The following DPYSL2 variants were observed in gnomAD, a reference collection of about 807,000 sequenced individuals.
DPYSL2 encodes dihydropyrimidinase like 2, also known as dihydropyrimidinase-related protein 2.
DPYSL2 carries 13 observed loss-of-function variants against 69.9 expected under a neutral mutation model. The observed-to-expected ratio is 0.19, with a 90% confidence interval of 0.12 to 0.30. DPYSL2 has a LOEUF of 0.30. DPYSL2 is among the 10% of genes least tolerant of loss of function. The pLI is 1.00. For missense variants in DPYSL2, 587 were observed against 918.9 expected, an observed-to-expected ratio of 0.64 and a Z score of 4.67; for synonymous variants, 326 against 359.1, an observed-to-expected ratio of 0.91 and a Z score of 1.04.
At chr8:26,544,918 C>CA (rs1446253282) in intron 1 of DPYSL2, among the ~76,000 whole-genome samples, 1 of 152,144 alleles carries the variant, frequency 6.6e-6, no homozygotes, top group Non-Finnish European at 1.5e-5. Flanking sequence ...CAAGGAAGAT[C>CA]ATTTTATAGT....
rs544226391 is a variant in DPYSL2, at chr8:26,644,970, A to G, written c.1425+879A>G. On this transcript the variant is annotated intron_variant, in intron 10 of 13. Coordinates refer to ENST00000521913, the MANE Select transcript of DPYSL2 (RefSeq NM_001197293.3). The surrounding 1 kb of genome is among the most constrained non-coding windows in gnomAD (Gnocchi z 4.5). ...AGAATATATCCTTATTTCCAGAAGA[A>G]TAAGGAAGTAAATAAAAGTCACTGT... Among the ~76,000 whole-genome samples, 4 of 152,332 alleles carry G rather than the reference A, an allele frequency of 2.6e-5. No individual in the cohort carries two copies. Among genetic ancestry groups the G allele is most frequent in the Middle Eastern group, 3.4e-3 (1 of 294 alleles).
chr8:26,647,686 C>G lies in DPYSL2; in HGVS notation c.1482C>G (p.Ala494=). 2 of 1,614,140 alleles carry G rather than the reference C, an allele frequency of 1.2e-6. No homozygotes were observed. The highest frequency in any genetic ancestry group is 1.7e-6 in the Non-Finnish European group (2 of 1,180,028). The change falls in exon 11 of 14, where the codon GCC becomes GCG. Residue 494 remains alanine, a synonymous_variant. Transcript: ENST00000521913. This position sits in a 1 kb window ranked among gnomAD's most constrained non-coding sequence, Gnocchi z 5.1. Reference sequence around the variant, plus strand: ...TGGCTGTGACCAGCACCAATGCAGCCAAAGTCTTCAACCTTTACCCCCGGA... The same window carrying G: ...TGGCTGTGACCAGCACCAATGCAGCGAAAGTCTTCAACCTTTACCCCCGGA... The part of the protein sequence containing the change: ...QFVAVTSTNA[A]KVFNLYPRKG...
At chr8:26,570,126 T>C (rs927742926) in intron 1 of DPYSL2, among the ~76,000 whole-genome samples, 1 of 152,184 alleles carries the variant, frequency 6.6e-6, no homozygotes, top group Non-Finnish European at 1.5e-5. Flanking sequence ...CAGCCTGGCT[T>C]GGTGTCTGAA....
rs1316601316 is a variant in DPYSL2, at chr8:26,619,309, A to G, written c.629-4834A>G. On this transcript the variant is annotated intron_variant, in intron 3 of 13. Coordinates refer to ENST00000521913, the MANE Select transcript of DPYSL2 (RefSeq NM_001197293.3). This position sits in a 1 kb window ranked among gnomAD's most constrained non-coding sequence, Gnocchi z 4.8. ...AAGAAAACTGTGGGAAAACATTTGG[A>G]GGCATTTCATGGACACGTTTCTGAG... is the stretch of plus-strand genomic sequence containing the variant. 6.6e-6 allele frequency among the ~76,000 whole-genome samples: 1 copy of G among 152,160 alleles called. No homozygotes were observed. Among genetic ancestry groups the G allele is most frequent in the Admixed American group, 6.5e-5 (1 of 15,276 alleles).
At chr8:26,550,751 G>T (rs1245027485) in intron 1 of DPYSL2, among the ~76,000 whole-genome samples, 2 of 152,156 alleles carry the variant, frequency 1.3e-5, no homozygotes, top group Non-Finnish European at 2.9e-5. Flanking sequence ...GGAGAACCAG[G>T]GAAGCTGGTA....
chr8:26,520,972 C>T (rs1164696393), intron 1 of DPYSL2, among the ~76,000 whole-genome samples: 4 of 151,992 alleles, frequency 2.6e-5, no homozygotes, highest in East Asian at 3.9e-4. Flanking sequence ...GGCCTATGTT[C>T]GTCCGAAAGG....
chr8:26,646,989 G>C lies in DPYSL2; in HGVS notation c.1426-641G>C, dbSNP rs867103230. Among the ~76,000 whole-genome samples, 3 of 148,466 alleles carry C rather than the reference G, an allele frequency of 2.0e-5. No individual in the cohort carries two copies. The Middle Eastern group carries it at 0.01, about 505-fold the overall frequency. ...CAGCAAGACCCTGTCTCAAAAAAAAGATTAAAAAAAAAAAGGAAGCCTAGA... is the reference window on the plus strand; with the variant it reads ...CAGCAAGACCCTGTCTCAAAAAAAACATTAAAAAAAAAAAGGAAGCCTAGA... On this transcript the variant is annotated intron_variant, in intron 10 of 13. Coordinates refer to ENST00000521913, the MANE Select transcript of DPYSL2 (RefSeq NM_001197293.3).
rs749031115 is a variant in DPYSL2, at chr8:26,641,775, C to T, written c.1127-1664C>T. On this transcript the variant is annotated intron_variant, in intron 8 of 13. Transcript: ENST00000521913. This position sits in a 1 kb window ranked among gnomAD's most constrained non-coding sequence, Gnocchi z 4.1. ...TCCTCCCTCCTGCTGGGGGTGGGGG[C>T]GTGGTTGCTGGTGGCCTGGAGTGAG... 5.9e-5 allele frequency among the ~76,000 whole-genome samples: 9 copies of T among 152,110 alleles called. No individual in the cohort carries two copies. Among genetic ancestry groups the T allele is most frequent in the Non-Finnish European group, 1.2e-4 (8 of 68,024 alleles).
chr8:26,547,000 C>T (rs902831709), intron 1 of DPYSL2, among the ~76,000 whole-genome samples: 37 of 145,014 alleles, frequency 2.6e-4, no homozygotes, highest in African/African-American at 9.0e-4. Context: ...CTTTATCAGT[C>T]AGATGATTGA....
At chr8:26,529,989 G>A (rs555611378) in intron 1 of DPYSL2, among the ~76,000 whole-genome samples, 18 of 151,504 alleles carry the variant, frequency 1.2e-4, no homozygotes, top group African/African-American at 4.4e-4. Flanking sequence ...GCCCGTGCCT[G>A]TAATCCCAGC....
At chr8:26,578,467 C>T (rs894318591) in intron 1 of DPYSL2, 2 of 1,464,944 alleles carry the variant, frequency 1.4e-6, no homozygotes, top group Non-Finnish European at 1.8e-6. Flanking sequence ...TGCAGTGATC[C>T]AGGATTAGAA....
In DPYSL2 at chr8:26,653,644, C is replaced by T. The variant is rs2130000579; in HGVS notation, c.1942+247C>T. Among the ~76,000 whole-genome samples, 1 of 152,266 alleles carries T rather than the reference C, an allele frequency of 6.6e-6. No individual in the cohort carries two copies. The highest frequency in any genetic ancestry group is 2.1e-4 in the South Asian group (1 of 4,822). On this transcript the variant is annotated intron_variant, in intron 13 of 13. Coordinates refer to ENST00000521913, the MANE Select transcript of DPYSL2 (RefSeq NM_001197293.3). This position sits in a 1 kb window ranked among gnomAD's most constrained non-coding sequence, Gnocchi z 5.7. ...CACGACCTTGGCTCACTGCAACCTC[C>T]ACCTCCTGGTTCAAGTGATTCTCAT... is the stretch of plus-strand genomic sequence containing the variant.
chr8:26,577,303 G>A (rs1291591988), intron 1 of DPYSL2: 9 of 249,758 alleles, frequency 3.6e-5, no homozygotes, highest in South Asian at 2.9e-4. Context: ...GCGTGGCCGG[G>A]CCCTCCCCGC....
In DPYSL2 at chr8:26,640,303, C is replaced by G. The variant is rs1803013336; in HGVS notation, c.1127-3136C>G. 1.3e-5 allele frequency among the ~76,000 whole-genome samples: 2 copies of G among 152,338 alleles called. No homozygotes were observed. The highest frequency in any genetic ancestry group is 3.4e-3 in the Middle Eastern group (1 of 294). On this transcript the variant is annotated intron_variant, in intron 8 of 13. Transcript: ENST00000521913. This position sits in a 1 kb window ranked among gnomAD's most constrained non-coding sequence, Gnocchi z 4.2. Reference sequence around the variant, plus strand: ...GTTCTTGGCCTTATAGAGAGCCTGCCAGAGGCTGGCTTGGTCACATCCTTC... The same window carrying G: ...GTTCTTGGCCTTATAGAGAGCCTGCGAGAGGCTGGCTTGGTCACATCCTTC...
At position 26,655,869 on chromosome 8, in the gene DPYSL2, A is replaced by C. The variant is rs1585578495; in HGVS notation, c.*163A>C. 1 of 538,530 alleles carries C rather than the reference A, an allele frequency of 1.9e-6. No homozygotes were observed. The highest frequency in any genetic ancestry group is 4.1e-5 in the South Asian group (1 of 24,452). The allele number at this position is 538,530 out of a possible 1,614,324, so 33.4% of individuals were successfully genotyped here. ...CATGGGGTCCCCCTTGGGGCCCCACACCCCGTCTCTCACCAAGAGTTACTG... is the reference window on the plus strand; with the variant it reads ...CATGGGGTCCCCCTTGGGGCCCCACCCCCCGTCTCTCACCAAGAGTTACTG... On this transcript the variant is annotated 3_prime_UTR_variant, in exon 14 of 14. Transcript: ENST00000521913.
Position 26,577,230 on chromosome 8 carries a change from T to C in DPYSL2, c.355-4739T>C, listed in dbSNP as rs1158094621. On this transcript the variant is annotated intron_variant, in intron 1 of 13. Transcript: ENST00000521913. The stretch of plus-strand genomic sequence containing the variant: ...GCAGCCTCCCCCCGGCCCGCGCCCA[T>C]TCCCCGCCCCCAGGAGCCGGGCCCG... The C allele has an allele frequency of 1.9e-5, 8 of 412,324 alleles. No homozygotes were observed. In the Admixed American group the frequency reaches 2.1e-4, roughly 11 times the overall value. 25.5% of individuals were successfully genotyped at this position (412,324 alleles called of 1,614,324 possible). A position where few individuals can be genotyped will look rare whatever the true frequency, so the allele number is the denominator to read the frequency against.
chr8:26,593,896 T>C lies in DPYSL2; in HGVS notation c.628+9913T>C, dbSNP rs910525026. Among the ~76,000 whole-genome samples the C allele has an allele frequency of 1.3e-5, 2 of 152,160 alleles. No individual in the cohort carries two copies. Among genetic ancestry groups the C allele is most frequent in the Non-Finnish European group, 2.9e-5 (2 of 68,024 alleles). On this transcript the variant is annotated intron_variant, in intron 3 of 13. Transcript: ENST00000521913. This position sits in a 1 kb window ranked among gnomAD's most constrained non-coding sequence, Gnocchi z 5.7. ...AATGATAGGTCAGGACTGGAATCTT[T>C]CCTTGTGGGGAGCCTGTGAGACAAA... is the stretch of plus-strand genomic sequence containing the variant.
intron 1 of DPYSL2, among the ~76,000 whole-genome samples, chr8:26,525,641 A>G (rs918978249): frequency 1.3e-5 from 2 of 152,188 alleles, no homozygotes; most frequent in Non-Finnish European, 2.9e-5. Flanking sequence ...TGAACAATTG[A>G]TGTTTTTACC....
In DPYSL2 at chr8:26,627,202, G is replaced by GTC; in HGVS notation, c.856-4_856-3dup. 6.2e-7 allele frequency: 1 copy of GTC among 1,613,120 alleles called. No homozygotes were observed. The highest frequency in any genetic ancestry group is 1.7e-5 in the Admixed American group (1 of 60,022). ...AGTCCCTGTCTCTGATCCCACCCTT[G>GTC]TCTCTCTCTCAGATTTATGAAGTAC... On this transcript the variant is annotated splice_polypyrimidine_tract_variant and intron_variant, in intron 5 of 13. Coordinates refer to ENST00000521913, the MANE Select transcript of DPYSL2 (RefSeq NM_001197293.3). The surrounding 1 kb of genome is among the most constrained non-coding windows in gnomAD (Gnocchi z 6.9).
Sources: allele counts gnomAD v4.1 joint callset (sites outside exome capture counted in the v4.1 genomes callset), GRCh38; gene constraint gnomAD v4.1.1; non-coding constraint Gnocchi (gnomAD v3.1); transcripts MANE v1.5; gene names NCBI Gene and HGNC (gene_info 2026-07-23, HGNC 2026-07-21).